Variants in NAV2 observed in about 807,000 individuals in gnomAD.
NAV2 encodes the protein helicase, APC down-regulated 1.
NAV2 carries 54 observed loss-of-function variants against 223.2 expected under a neutral mutation model. The ratio of observed to expected loss-of-function variants is 0.24; its 90% CI spans 0.19 to 0.30. The LOEUF is 0.30. NAV2 is among the 10% of genes least tolerant of loss of function. NAV2 has a pLI of 1.00. For synonymous variants in NAV2, 1,279 were observed against 1,239.3 expected (o/e 1.03, Z -0.67); for missense variants, 2,806 against 3,147.5 (o/e 0.89, Z 2.60).
In NAV2 at chr11:19,636,382, C is replaced by T. The variant is rs1383441052; in HGVS notation, c.76-196102C>T. On this transcript the variant is annotated intron_variant, in intron 1 of 37. Transcript: ENST00000360655. The stretch of plus-strand genomic sequence containing the variant: ...CTGCCTGTAACTTAAGGGCTCATCA[C>T]TCTGGAAGGGACCCAGGAGACTGCA... 2.0e-5 allele frequency among the ~76,000 whole-genome samples: 3 copies of T among 152,170 alleles called. No homozygotes were observed. The East Asian group carries it at 5.8e-4, about 29-fold the overall frequency.
chr11:19,517,276 A>G (rs1269004204), intron 1 of NAV2, among the ~76,000 whole-genome samples: 2 of 152,170 alleles, frequency 1.3e-5, no homozygotes, highest in Non-Finnish European at 2.9e-5. Flanking sequence ...GTGCCCTGGC[A>G]TGGTGTTCCT....
intron 1 of NAV2, among the ~76,000 whole-genome samples, chr11:19,636,455 A>G (rs2047504603): frequency 6.6e-6 from 1 of 151,782 alleles, no homozygotes; most frequent in Non-Finnish European, 1.5e-5. Flanking sequence ...TGTGCATGCA[A>G]TTCTCTTGGA....
intron 1 of NAV2, among the ~76,000 whole-genome samples, chr11:19,364,427 C>T (rs17501813): frequency 0.086 from 13,096 of 152,250 alleles, 565 homozygotes; most frequent in Middle Eastern, 0.15. Context: ...TTATTTATTT[C>T]CCAAACATGT....
intron 6 of NAV2, among the ~76,000 whole-genome samples, chr11:19,914,638 G>T (rs996740797): frequency 6.6e-6 from 1 of 151,052 alleles, no homozygotes; most frequent in Non-Finnish European, 1.5e-5. Context: ...TCCGCTTCCC[G>T]GGTTCACGCC....
intron 1 of NAV2, among the ~76,000 whole-genome samples, chr11:19,774,441 T>G (rs1361240325): frequency 6.6e-6 from 1 of 152,234 alleles, no homozygotes; most frequent in Non-Finnish European, 1.5e-5. Flanking sequence ...CCTCCCAAAG[T>G]GCTAGGATTA....
intron 1 of NAV2, among the ~76,000 whole-genome samples, chr11:19,639,964 T>C (rs563050843): frequency 6.6e-6 from 1 of 152,182 alleles, no homozygotes; most frequent in Non-Finnish European, 1.5e-5. Context: ...GAAGGGAAGA[T>C]GGGAAGGAGA....
Position 19,939,715 on chromosome 11 carries a change from G to T in NAV2, c.2088G>T (p.Val696=). The T allele has an allele frequency of 6.2e-7, 1 of 1,614,146 alleles. No homozygotes were observed. Residue 696 remains valine (V), a synonymous_variant, in exon 8 of 38, where the codon GTG becomes GTT. Transcript: ENST00000349880. ...NVTAESSSTG[V]SVEPSHFTKT... ...CTGCCGAGTCAAGCTCAACAGGTGT[G>T]AGCGTGGAGCCCAGCCACTTCACCA...
At position 19,933,675 on chromosome 11, in the gene NAV2, C is replaced by A. The variant is rs2153275556; in HGVS notation, c.1431C>A (p.Asn477Lys). Residue 477 changes from asparagine to lysine, a missense_variant, in exon 7 of 38, where the codon AAC (asparagine) becomes AAA (lysine). Asn to Lys is a moderately conservative substitution (Grantham distance 94, BLOSUM62 0). Transcript: ENST00000349880. The surrounding 1 kb of genome is among the most constrained non-coding windows in gnomAD (Gnocchi z 4.3). ...AQRTFSRALT[N>K]KKSSLKGNEK... is the part of the protein sequence containing the mutation. ...GGACTTTTAGCCGGGCACTGACCAA[C>A]AAGAAGAGTTCTCTGAAAGGCAATG... 1 of 1,614,136 alleles carries A rather than the reference C, an allele frequency of 6.2e-7. No individual in the cohort carries two copies. The highest frequency in any genetic ancestry group is 8.5e-7 in the Non-Finnish European group (1 of 1,180,028).
exon 1 of NAV2, chr11:19,350,995 C>A: frequency 3.2e-6 from 5 of 1,551,716 alleles, no homozygotes; most frequent in Non-Finnish European, 4.4e-6. Context: ...GAAGAGAAAG[C>A]CAGTTATCCA....
At chr11:20,103,127 T>C in intron 32 of NAV2, 128 bp from the exon 33 acceptor site, 1 of 851,632 alleles carries the variant, frequency 1.2e-6, no homozygotes, top group Non-Finnish European at 1.8e-6. Context: ...CAGAATGTGT[T>C]TACAGCGCAG....
intron 10 of NAV2, among the ~76,000 whole-genome samples, chr11:19,976,899 G>A (rs1359944541): frequency 6.6e-6 from 1 of 152,166 alleles, no homozygotes; most frequent in Non-Finnish European, 1.5e-5. Flanking sequence ...GGCCACAGGA[G>A]ACTGTTCCAG....
chr11:19,642,258 A>T (rs1340283742), intron 1 of NAV2, among the ~76,000 whole-genome samples: 1 of 152,226 alleles, frequency 6.6e-6, no homozygotes, highest in African/African-American at 2.4e-5. Context: ...GGAGGAGGCC[A>T]TTGTTCAATA....
Position 19,713,841 on chromosome 11 carries a change from A to G in NAV2, c.146A>G (p.Lys49Arg). The stretch of plus-strand genomic sequence containing the variant: ...TTGGGAAGCAAGGTGGAGGTGAGCA[A>G]GACCACCTATCCTAGCCAGATCCCC... ...LKLGSKVEVS[K>R]TTYPSQIPLK... is the part of the protein sequence containing the mutation. Residue 49 changes from lysine (K) to arginine (R), a missense_variant, in exon 1 of 38, where the codon AAG (lysine) becomes AGG (arginine). By Grantham distance (26) the Lys-to-Arg change is conservative. Transcript: ENST00000349880. The surrounding 1 kb of genome is among the most constrained non-coding windows in gnomAD (Gnocchi z 7.2). 2 of 1,613,522 alleles carry G rather than the reference A, an allele frequency of 1.2e-6. No individual in the cohort carries two copies. The highest frequency in any genetic ancestry group is 1.7e-6 in the Non-Finnish European group (2 of 1,179,894).
At chr11:19,409,393 C>G (rs948966536) in intron 1 of NAV2, among the ~76,000 whole-genome samples, 1 of 152,186 alleles carries the variant, frequency 6.6e-6, no homozygotes, top group Non-Finnish European at 1.5e-5. Context: ...TCTCATCACT[C>G]CCAGTCACTC....
chr11:20,015,088 G>C (rs572080046), intron 11 of NAV2, among the ~76,000 whole-genome samples: 97 of 152,246 alleles, frequency 6.4e-4, no homozygotes, highest in African/African-American at 2.2e-3. Flanking sequence ...GTGAAACACT[G>C]TCTCAAAAAA....
At chr11:19,720,919 A>G (rs1186951596) in intron 1 of NAV2, among the ~76,000 whole-genome samples, 3 of 152,224 alleles carry the variant, frequency 2.0e-5, no homozygotes, top group African/African-American at 7.2e-5. Flanking sequence ...AATGGAGAAG[A>G]TAGTACCTGC....
intron 1 of NAV2, among the ~76,000 whole-genome samples, chr11:19,468,150 A>G (rs1246575087): frequency 6.6e-6 from 1 of 152,210 alleles, no homozygotes; most frequent in East Asian, 1.9e-4. Flanking sequence ...TTCCATCCCC[A>G]ACTCCACTAC....
At chr11:20,065,697 A>G (rs1335512075) in intron 20 of NAV2, among the ~76,000 whole-genome samples, 2 of 152,264 alleles carry the variant, frequency 1.3e-5, no homozygotes, top group African/African-American at 4.8e-5. Flanking sequence ...AGGTGGGCAC[A>G]GTGACAGACA....
chr11:19,761,005 T>C (rs1035389133), intron 1 of NAV2, among the ~76,000 whole-genome samples: 5 of 150,778 alleles, frequency 3.3e-5, no homozygotes, highest in South Asian at 4.1e-4. Flanking sequence ...GAATACCCCA[T>C]TGGGAGTGCT....
Sources: gnomAD v4.1 joint callset for allele counts (sites outside exome capture counted in the v4.1 genomes callset) on GRCh38, gnomAD v4.1.1 for gene constraint, Gnocchi (gnomAD v3.1) non-coding constraint, MANE v1.5 for transcripts, NCBI Gene and HGNC (gene_info 2026-07-23, HGNC 2026-07-21) for gene names.